Variants in ZBBX observed in about 807,000 individuals in gnomAD.
ZBBX encodes the protein zinc finger B-box domain-containing protein 1.
ZBBX carries 101 observed loss-of-function variants against 108.5 expected under a neutral mutation model. The observed-to-expected ratio is 0.93, with a 90% confidence interval of 0.79 to 1.10. The LOEUF (loss-of-function observed/expected upper bound fraction) is 1.10. ZBBX is among the 50% of genes least tolerant of loss of function. The pLI is 0.00. For missense variants in ZBBX, 1,009 were observed against 941.4 expected (o/e 1.07, Z -0.94); for synonymous variants, 356 against 323.4 (o/e 1.10, Z -1.08).
At chr3:167,212,994 A>G in the ZBBX span, among the ~76,000 whole-genome samples, 7 of 152,148 alleles carry the variant, frequency 4.6e-5, no homozygotes, top group African/African-American at 1.7e-4. Context: ...AAGACCCTAC[A>G]CAAAGCCTCA....
At chr3:167,185,733 T>C in the ZBBX span, among the ~76,000 whole-genome samples, 1 of 152,142 alleles carries the variant, frequency 6.6e-6, no homozygotes, top group Non-Finnish European at 1.5e-5. Context: ...GTACGGCCTA[T>C]ATATGTTGTA....
chr3:167,223,630 T>C, the ZBBX span, among the ~76,000 whole-genome samples: 1 of 151,924 alleles, frequency 6.6e-6, no homozygotes, highest in Non-Finnish European at 1.5e-5. Context: ...ATTAACACTG[T>C]TTCTCTGCTG....
At chr3:167,359,712 T>C (rs1024649420) in intron 8 of ZBBX, among the ~76,000 whole-genome samples, 158 bp downstream of exon 8, 9 of 152,130 alleles carry the variant, frequency 5.9e-5, no homozygotes, top group Non-Finnish European at 1.3e-4. Flanking sequence ...CCCAGCAGCA[T>C]GCATGCTCAA....
chr3:167,379,028 C>T (rs1747399265), intron 2 of ZBBX, among the ~76,000 whole-genome samples: 1 of 152,150 alleles, frequency 6.6e-6, no homozygotes, highest in Admixed American at 6.5e-5. Flanking sequence ...TCAATACAGT[C>T]CCTATACATA....
At chr3:167,389,638 C>A (rs984971624) in intron 1 of ZBBX, among the ~76,000 whole-genome samples, 2 of 152,142 alleles carry the variant, frequency 1.3e-5, no homozygotes, top group Admixed American at 1.3e-4. Context: ...TTGCCAGAAT[C>A]TGTCATTTCC....
chr3:167,253,723 G>C (rs1454366423), intron 20 of ZBBX, among the ~76,000 whole-genome samples: 1 of 151,854 alleles, frequency 6.6e-6, no homozygotes, highest in East Asian at 1.9e-4. Context: ...TGGAAGGTAG[G>C]AACAAAGCCA....
In ZBBX at chr3:167,316,314, A is replaced by G. The variant is rs1161976783; in HGVS notation, c.1195-485T>C. Reference sequence around the variant, plus strand: ...CTTTCAACCTAAAGAAGAAAGGAAGAAAGCAGTATTTAAAAGAGGTAAGTT... The same window carrying G: ...CTTTCAACCTAAAGAAGAAAGGAAGGAAGCAGTATTTAAAAGAGGTAAGTT... On this transcript the variant is annotated intron_variant, in intron 14 of 21. Transcript: ENST00000675490. Among the ~76,000 whole-genome samples the G allele has an allele frequency of 2.0e-5, 3 of 152,162 alleles. 1 individual carries two copies. Among genetic ancestry groups the G allele is most frequent in the African/African-American group, 7.2e-5 (3 of 41,458 alleles).
At chr3:167,219,204 T>G in the ZBBX span, among the ~76,000 whole-genome samples, 6 of 151,978 alleles carry the variant, frequency 3.9e-5, no homozygotes, top group Admixed American at 3.9e-4. Context: ...ACACCCCACT[T>G]TCAGCATTAC....
intron 9 of ZBBX, among the ~76,000 whole-genome samples, chr3:167,348,290 G>GGAAGGAAGGAAGGAAA (rs1741886421): frequency 5.2e-5 from 5 of 95,994 alleles, no homozygotes; most frequent in African/African-American, 1.4e-4. Flanking sequence ...AAGGAAGGAA[G>GGAAGGAAGGAAGGAAA]GAAAGAAGAA....
chr3:167,339,636 T>A (rs964615961), intron 9 of ZBBX, among the ~76,000 whole-genome samples: 4 of 152,136 alleles, frequency 2.6e-5, no homozygotes, highest in African/African-American at 9.7e-5. Flanking sequence ...TGGGCAATTT[T>A]CCAAATGAGA....
At chr3:167,375,694 AT>A (rs540983863) in intron 2 of ZBBX, among the ~76,000 whole-genome samples, 9 of 151,088 alleles carry the variant, frequency 6.0e-5, no homozygotes, top group Middle Eastern at 6.8e-3. Flanking sequence ...AGGAGCAACT[AT>A]TTTTTTTTCA....
intron 20 of ZBBX, among the ~76,000 whole-genome samples, chr3:167,250,340 C>A (rs1722359272): frequency 1.3e-5 from 2 of 152,156 alleles, no homozygotes; most frequent in African/African-American, 4.8e-5. Context: ...AAAGATACGG[C>A]AAGAACAGTT....
At chr3:167,239,432 A>G (rs796202808), downstream of ZBBX, among the ~76,000 whole-genome samples, 7 of 152,130 alleles carry the variant, frequency 4.6e-5, no homozygotes, top group African/African-American at 1.7e-4. Flanking sequence ...CACAAAACTC[A>G]TATCCTTTTT....
chr3:167,336,030 G>C (rs945160111), intron 9 of ZBBX, among the ~76,000 whole-genome samples: 1 of 151,666 alleles, frequency 6.6e-6, no homozygotes, highest in Admixed American at 6.6e-5. Flanking sequence ...CTAGAATAAA[G>C]GTCTGTAGAT....
chr3:167,368,183 C>G (rs566523681), intron 5 of ZBBX, among the ~76,000 whole-genome samples: 4 of 151,186 alleles, frequency 2.6e-5, no homozygotes, highest in African/African-American at 9.7e-5. Context: ...GACCATAAAT[C>G]AATGAGAAGC....
intron 2 of ZBBX, among the ~76,000 whole-genome samples, chr3:167,374,689 A>C (rs1332469629): frequency 1.3e-5 from 2 of 152,200 alleles, no homozygotes; most frequent in Non-Finnish European, 2.9e-5. Context: ...AATGGTTTAG[A>C]GTCAAATAGG....
At chr3:167,345,880 A>C (rs1337991994) in intron 9 of ZBBX, among the ~76,000 whole-genome samples, 1 of 151,844 alleles carries the variant, frequency 6.6e-6, no homozygotes, top group Non-Finnish European at 1.5e-5. Context: ...TCTTTCATTA[A>C]TACCACCCAC....
chr3:167,349,423 C>A (rs1021612517), intron 9 of ZBBX, among the ~76,000 whole-genome samples: 11 of 151,936 alleles, frequency 7.2e-5, no homozygotes, highest in African/African-American at 2.2e-4. Context: ...TTTCTCCCTG[C>A]ATCCTTTCTG....
intron 20 of ZBBX, among the ~76,000 whole-genome samples, chr3:167,252,405 G>A (rs370885402): frequency 2.7e-4 from 41 of 152,234 alleles, no homozygotes; most frequent in African/African-American, 5.8e-4. Context: ...GCTCATTGAC[G>A]CAAAACAGGG....
Sources: gnomAD v4.1 joint callset for allele counts (sites outside exome capture counted in the v4.1 genomes callset) on GRCh38, gnomAD v4.1.1 for gene constraint, MANE v1.5 for transcripts, NCBI Gene and HGNC (gene_info 2026-07-23, HGNC 2026-07-21) for gene names.